CLYBL: variants seen among roughly 807,000 people sequenced by gnomAD.
The protein encoded by CLYBL is citramalyl-CoA lyase.
A neutral mutation model predicts 38.9 loss-of-function variants in CLYBL; 31 were observed. The ratio of observed to expected loss-of-function variants is 0.80; its 90% CI spans 0.60 to 1.08. CLYBL has a LOEUF of 1.08. Ranked by LOEUF, CLYBL falls within the 50% of genes least tolerant of loss-of-function variation. The pLI, the probability that CLYBL is intolerant of heterozygous loss-of-function variation, is 0.00. For missense variants in CLYBL, 434 were observed against 411.6 expected (o/e 1.05, Z -0.47); for synonymous variants, 171 against 158.6 (o/e 1.08, Z -0.59).
At chr13:99,812,387 T>G (rs1365343833) in intron 2 of CLYBL, among the ~76,000 whole-genome samples, 1 of 152,210 alleles carries the variant, frequency 6.6e-6, no homozygotes, top group Admixed American at 6.5e-5. Context: ...GTTACAGAAT[T>G]ACATAATTCC....
At chr13:99,848,713 G>T (rs1366690480) in intron 2 of CLYBL, among the ~76,000 whole-genome samples, 1 of 152,186 alleles carries the variant, frequency 6.6e-6, no homozygotes, top group Admixed American at 6.5e-5. Context: ...GCCCCTTGCT[G>T]CCCTGCTAGA....
intron 2 of CLYBL, among the ~76,000 whole-genome samples, chr13:99,822,051 A>G (rs1006027095): frequency 6.6e-6 from 1 of 152,146 alleles, no homozygotes; most frequent in Non-Finnish European, 1.5e-5. Flanking sequence ...AGTCTGCACC[A>G]CCATTCAGAC....
intron 1 of CLYBL, among the ~76,000 whole-genome samples, chr13:99,679,775 T>C (rs117178485): frequency 3.3e-5 from 5 of 152,096 alleles, no homozygotes; most frequent in Non-Finnish European, 7.4e-5. Flanking sequence ...AGAAAAGCAT[T>C]TCTATGGATT....
At chr13:99,887,770 T>C (rs1484545005) in intron 7 of CLYBL, among the ~76,000 whole-genome samples, 1 of 152,068 alleles carries the variant, frequency 6.6e-6, no homozygotes, top group Non-Finnish European at 1.5e-5. Context: ...TTGGGATCCT[T>C]GTCAAAAGTA....
chr13:99,639,568 T>G (rs930553010), intron 1 of CLYBL, among the ~76,000 whole-genome samples: 1 of 152,170 alleles, frequency 6.6e-6, no homozygotes, highest in Non-Finnish European at 1.5e-5. Context: ...AACTCATCCC[T>G]TTTGCCTACA....
intron 1 of CLYBL, among the ~76,000 whole-genome samples, chr13:99,746,050 A>C (rs2048845517): frequency 6.6e-6 from 1 of 151,532 alleles, no homozygotes; most frequent in Non-Finnish European, 1.5e-5. Context: ...TTTTTTTCAG[A>C]TGTGGGAAGA....
intron 1 of CLYBL, among the ~76,000 whole-genome samples, chr13:99,723,125 G>A (rs1009011213): frequency 3.3e-5 from 5 of 152,250 alleles, no homozygotes; most frequent in African/African-American, 9.6e-5. Flanking sequence ...AGGGCTGCAC[G>A]TTATCAAGCC....
chr13:99,774,122 A>G (rs1430435832), intron 2 of CLYBL, among the ~76,000 whole-genome samples: 1 of 151,750 alleles, frequency 6.6e-6, no homozygotes, highest in Non-Finnish European at 1.5e-5. Context: ...AGTCCCAGCT[A>G]CTCAGGAGGC....
At chr13:99,666,666 A>G (rs976587695) in intron 1 of CLYBL, among the ~76,000 whole-genome samples, 2 of 152,194 alleles carry the variant, frequency 1.3e-5, no homozygotes, top group East Asian at 1.9e-4. Flanking sequence ...TGGGGTAAGA[A>G]AGGGAAAAAT....
intron 2 of CLYBL, among the ~76,000 whole-genome samples, chr13:99,796,372 C>G (rs948626851): frequency 1.3e-5 from 2 of 152,124 alleles, no homozygotes; most frequent in Non-Finnish European, 2.9e-5. Context: ...AGCCTCTCCC[C>G]TTCCTAAGAG....
At chr13:99,870,710 C>T (rs1239791580) in intron 6 of CLYBL, among the ~76,000 whole-genome samples, 21 of 152,136 alleles carry the variant, frequency 1.4e-4, no homozygotes, top group South Asian at 6.2e-4. Flanking sequence ...TCTATAGGAT[C>T]GGAAACACAA....
intron 1 of CLYBL, among the ~76,000 whole-genome samples, chr13:99,724,429 T>G (rs1489265130): frequency 1.3e-5 from 2 of 151,672 alleles, no homozygotes; most frequent in African/African-American, 4.8e-5. Context: ...TTCCTGGCGG[T>G]GGAGTATTTT....
At chr13:99,854,877 G>A (rs187020788) in intron 2 of CLYBL, among the ~76,000 whole-genome samples, 112 of 152,156 alleles carry the variant, frequency 7.4e-4, no homozygotes, top group African/African-American at 1.9e-3. Flanking sequence ...CACCTAATAC[G>A]GTGGCTTATG....
intron 1 of CLYBL, among the ~76,000 whole-genome samples, chr13:99,697,104 T>C (rs1408667497): frequency 3.3e-5 from 5 of 152,178 alleles, no homozygotes; most frequent in Non-Finnish European, 7.3e-5. Context: ...AGTTGATATT[T>C]GGGGTGTATG....
intron 7 of CLYBL, among the ~76,000 whole-genome samples, chr13:99,884,198 A>G (rs1456775586): frequency 1.3e-5 from 2 of 152,108 alleles, no homozygotes; most frequent in African/African-American, 4.8e-5. Flanking sequence ...GAGGCTCAGC[A>G]AGTGTTGGCC....
At chr13:99,908,921 T>C (rs1202467889) in exon 10 of CLYBL, among the ~76,000 whole-genome samples, 6 of 152,174 alleles carry the variant, frequency 3.9e-5, no homozygotes, top group African/African-American at 1.2e-4. Context: ...GCTGAGGATA[T>C]AGAAATATGT....
rs77586009 is a variant in CLYBL, at chr13:99,831,928, A to C, written c.250-26933A>C. Among the ~76,000 whole-genome samples, 854 of 152,336 alleles carry C rather than the reference A, an allele frequency of 5.6e-3. 7 individuals are homozygous for C. The highest frequency in any genetic ancestry group is 0.02 in the African/African-American group (820 of 41,574). ...CTGTTTTATTATACATTTATCAAAC[A>C]GTTCACTATCTGGTCTTTTGGCCAG... is the stretch of plus-strand genomic sequence containing the variant. On this transcript the variant is annotated intron_variant, in intron 2 of 8. Transcript: ENST00000339105.
chr13:99,691,399 G>T (rs913326642), intron 1 of CLYBL, among the ~76,000 whole-genome samples: 1 of 151,976 alleles, frequency 6.6e-6, no homozygotes, highest in African/African-American at 2.4e-5. Context: ...ATTTGGGGGG[G>T]AAGGGGACAG....
chr13:99,616,545 T>G (rs1253665486), intron 1 of CLYBL, among the ~76,000 whole-genome samples: 1 of 152,256 alleles, frequency 6.6e-6, no homozygotes, highest in East Asian at 1.9e-4. Flanking sequence ...GCTGTCACAC[T>G]GGGCCCGCCC....
Sources: allele counts gnomAD v4.1 joint callset (sites outside exome capture counted in the v4.1 genomes callset), GRCh38; gene constraint gnomAD v4.1.1; transcripts MANE v1.5; gene names NCBI Gene and HGNC (gene_info 2026-07-23, HGNC 2026-07-21).